The following OCA2 variants were observed in gnomAD, a reference collection of about 807,000 sequenced individuals.
OCA2 encodes the protein P protein.
OCA2 carries 77 observed loss-of-function variants against 100.2 expected under a neutral mutation model. The observed-to-expected ratio is 0.77, with a 90% CI of 0.64 to 0.93. The LOEUF is 0.93. Ranked by LOEUF, OCA2 falls within the 40% of genes least tolerant of loss-of-function variation. The probability of loss-of-function intolerance (pLI) is 0.00; values close to 1 mark genes in which losing one functional copy is unlikely to be tolerated. For synonymous variants in OCA2, 432 were observed against 439.2 expected (o/e 0.98, Z 0.21); for missense variants, 1,062 against 1,089.1 (o/e 0.98, Z 0.35).
intron 23 of OCA2, among the ~76,000 whole-genome samples, chr15:27,798,313 A>C (rs1288250370): frequency 6.6e-6 from 1 of 152,172 alleles, no homozygotes; most frequent in Non-Finnish European, 1.5e-5. Context: ...AATAACAAAC[A>C]TCCAATTTTT....
intron 2 of OCA2, among the ~76,000 whole-genome samples, chr15:28,036,238 C>T (rs2043041591): frequency 6.6e-6 from 1 of 152,134 alleles, no homozygotes; most frequent in South Asian, 2.1e-4. Flanking sequence ...ATAACAAACA[C>T]TATGTGAGTC....
chr15:27,799,170 C>T (rs2033479137), intron 23 of OCA2, among the ~76,000 whole-genome samples: 2 of 152,228 alleles, frequency 1.3e-5, no homozygotes. Flanking sequence ...ATCGCTTCTG[C>T]ATTTGCAAAG....
At chr15:27,812,905 C>T (rs549108036) in intron 23 of OCA2, among the ~76,000 whole-genome samples, 1 of 152,258 alleles carries the variant, frequency 6.6e-6, no homozygotes, top group East Asian at 1.9e-4. Context: ...TAAGATGCCC[C>T]TCCTCCATCA....
chr15:27,824,602 C>CTCTATATATATATATATATATA, intron 23 of OCA2, among the ~76,000 whole-genome samples: 1 of 47,608 alleles, frequency 2.1e-5, no homozygotes, highest in Non-Finnish European at 3.1e-5. Flanking sequence ...CTCTCTCTCT[C>CTCTATATATATATATATATATA]TATATATATA....
At chr15:28,036,618 G>A (rs1314048696) in intron 2 of OCA2, among the ~76,000 whole-genome samples, 1 of 152,056 alleles carries the variant, frequency 6.6e-6, no homozygotes, top group Non-Finnish European at 1.5e-5. Context: ...TTCTTCAACA[G>A]CTTCCTCATC....
intron 23 of OCA2, among the ~76,000 whole-genome samples, chr15:27,808,309 G>A (rs1355648762): frequency 3.3e-5 from 5 of 152,236 alleles, no homozygotes; most frequent in African/African-American, 9.6e-5. Flanking sequence ...AGTGATGCTC[G>A]GGGAGCCTGA....
chr15:27,724,584 C>T, the OCA2 span, among the ~76,000 whole-genome samples: 1 of 152,118 alleles, frequency 6.6e-6, no homozygotes, highest in African/African-American at 2.4e-5. Context: ...AGGCCCCTGA[C>T]CCCAGGGGCT....
chr15:27,997,082 G>GAGAAAGAAAGAA (rs1555370284), intron 9 of OCA2, among the ~76,000 whole-genome samples: 2 of 124,376 alleles, frequency 1.6e-5, no homozygotes, highest in Non-Finnish European at 1.6e-5. Context: ...GGGAGAAAGA[G>GAGAAAGAAAGAA]AGAGAAAGAA....
intron 19 of OCA2, chr15:27,895,698 C>T (rs2594894): frequency 0.084 from 17,643 of 210,310 alleles, 1,855 homozygotes; most frequent in South Asian, 0.26. Flanking sequence ...ATCTCTGTTC[C>T]GCAGGATGGG....
At chr15:27,914,424 C>G (rs944951910) in intron 19 of OCA2, among the ~76,000 whole-genome samples, 2 of 152,178 alleles carry the variant, frequency 1.3e-5, no homozygotes, top group Non-Finnish European at 2.9e-5. Context: ...GTCAAACTAT[C>G]TCTTTTCACA....
At chr15:27,929,088 T>C (rs2039151898) in intron 18 of OCA2, among the ~76,000 whole-genome samples, 1 of 152,230 alleles carries the variant, frequency 6.6e-6, no homozygotes, top group African/African-American at 2.4e-5. Context: ...TCTTTCATTT[T>C]TCCTAAGAAT....
rs1472152034 is a variant in OCA2 at position 27,770,974 on chromosome 15, C to G, written c.2433-15502G>C. On this transcript the variant is annotated intron_variant, in intron 23 of 23. Coordinates refer to ENST00000354638, the MANE Select transcript of OCA2 (RefSeq NM_000275.3). ...TCCATCTTTCCTTCCTCCCTCCCTTCCTTTCCTTCTTTCTTCCTTCCCTTC... is the reference window on the plus strand; with the variant it reads ...TCCATCTTTCCTTCCTCCCTCCCTTGCTTTCCTTCTTTCTTCCTTCCCTTC... Among the ~76,000 whole-genome samples the G allele has an allele frequency of 8.5e-5, 8 of 93,738 alleles. No homozygotes were observed. In the East Asian group the frequency reaches 3.2e-3, roughly 37 times the overall value. The allele number at this position is 93,738 out of a possible 152,430, so 61.5% of individuals were successfully genotyped here. A position where few individuals can be genotyped will look rare whatever the true frequency, so the allele number is the denominator to read the frequency against.
intron 23 of OCA2, among the ~76,000 whole-genome samples, chr15:27,809,052 C>T (rs567036828): frequency 1.3e-5 from 2 of 152,300 alleles, no homozygotes; most frequent in East Asian, 3.9e-4. Context: ...CCCAAAGGCT[C>T]CCCAACCTTG....
At chr15:27,952,823 C>G (rs754802395) in intron 17 of OCA2, among the ~76,000 whole-genome samples, 1 of 152,122 alleles carries the variant, frequency 6.6e-6, no homozygotes, top group African/African-American at 2.4e-5. Flanking sequence ...GCTGGGACTA[C>G]AGGTGTGCAC....
At chr15:27,735,751 AAC>A in the OCA2 span, among the ~76,000 whole-genome samples, 1 of 152,088 alleles carries the variant, frequency 6.6e-6, no homozygotes, top group Non-Finnish European at 1.5e-5. Context: ...AAAACAAAAA[AAC>A]AAAACAAAAA....
At chr15:27,825,593 C>T (rs2034689205) in intron 23 of OCA2, among the ~76,000 whole-genome samples, 1 of 152,134 alleles carries the variant, frequency 6.6e-6, no homozygotes, top group Non-Finnish European at 1.5e-5. Flanking sequence ...CGGACTTGAC[C>T]GTGAGCAGAG....
chr15:27,875,672 T>A (rs2036761284), intron 19 of OCA2, among the ~76,000 whole-genome samples: 2 of 152,104 alleles, frequency 1.3e-5, no homozygotes, highest in Non-Finnish European at 2.9e-5. Flanking sequence ...GATCTTTAGA[T>A]CTTTTACAAA....
At chr15:27,747,620 A>C in the OCA2 span, among the ~76,000 whole-genome samples, 2 of 152,188 alleles carry the variant, frequency 1.3e-5, no homozygotes, top group Non-Finnish European at 2.9e-5. Flanking sequence ...GAACCCATAT[A>C]AGAATTAAAC....
At chr15:28,091,653 C>T (rs1163209971) in intron 1 of OCA2, among the ~76,000 whole-genome samples, 1 of 152,130 alleles carries the variant, frequency 6.6e-6, no homozygotes, top group Non-Finnish European at 1.5e-5. Context: ...AGTCATAATA[C>T]CCTAAAAGTG....
Sources: gnomAD v4.1 joint callset for allele counts (sites outside exome capture counted in the v4.1 genomes callset) on GRCh38, gnomAD v4.1.1 for gene constraint, MANE v1.5 for transcripts, NCBI Gene and HGNC (gene_info 2026-07-23, HGNC 2026-07-21) for gene names.